LMBR1: variants seen among roughly 807,000 people sequenced by gnomAD.
LMBR1 encodes the protein limb region 1 protein homolog.
In LMBR1, 52 loss-of-function variants were observed where a neutral mutation model predicts 73.9. The ratio of observed to expected loss-of-function variants is 0.70; its 90% CI spans 0.56 to 0.89. The LOEUF is 0.89. Ranked by LOEUF, LMBR1 falls within the 40% of genes least tolerant of loss-of-function variation. The probability of loss-of-function intolerance (pLI) is 0.00; values close to 1 mark genes in which losing one functional copy is unlikely to be tolerated. For missense variants in LMBR1, 539 were observed against 579.8 expected (o/e 0.93, Z 0.72); for synonymous variants, 215 against 209.4 (o/e 1.03, Z -0.23).
intron 6 of LMBR1, among the ~76,000 whole-genome samples, 167 bp downstream of exon 6, chr7:156,763,502 C>T (rs1248325284): frequency 6.6e-6 from 1 of 151,452 alleles, no homozygotes; most frequent in African/African-American, 2.4e-5. Flanking sequence ...ATAAATAAAA[C>T]TTCATTTTTA....
intron 5 of LMBR1, among the ~76,000 whole-genome samples, chr7:156,786,328 C>T (rs1828097674): frequency 6.6e-6 from 1 of 151,824 alleles, no homozygotes. Context: ...GCAGTGATTC[C>T]CAGTGCTACA....
chr7:156,835,694 CAAA>C (rs59956909), intron 2 of LMBR1, among the ~76,000 whole-genome samples: 10 of 100,484 alleles, frequency 1.0e-4, no homozygotes, highest in South Asian at 3.4e-4. Flanking sequence ...GACTCCATCT[CAAA>C]AAAAAAAAAA....
At chr7:156,878,499 C>T (rs1800563481) in intron 1 of LMBR1, among the ~76,000 whole-genome samples, 2 of 152,180 alleles carry the variant, frequency 1.3e-5, no homozygotes, top group South Asian at 4.1e-4. Context: ...TATACCTAAC[C>T]AAGAAGGTAA....
chr7:156,892,850 G>A (rs1803399423), intron 1 of LMBR1, 78 bp downstream of exon 1: 10 of 632,438 alleles, frequency 1.6e-5, no homozygotes, highest in East Asian at 5.0e-5. Context: ...GGGGTCCGGG[G>A]ACCGGGGGCC....
Position 156,842,487 on chromosome 7 carries a change from A to G in LMBR1, c.67-5602T>C, listed in dbSNP as rs574211939. Among the ~76,000 whole-genome samples, 7 of 152,304 alleles carry G rather than the reference A, an allele frequency of 4.6e-5. No individual in the cohort carries two copies. In the East Asian group the frequency reaches 1.2e-3, roughly 25 times the overall value. On this transcript the variant is annotated intron_variant, in intron 1 of 16. Transcript: ENST00000353442. ...ACCTTGCAGCTGCGCAGCTAGAGAA[A>G]CAGTGTCTGTACAATGCCTGGGAAA...
At chr7:156,872,464 G>A (rs185295290) in intron 1 of LMBR1, among the ~76,000 whole-genome samples, 49 of 152,008 alleles carry the variant, frequency 3.2e-4, no homozygotes, top group African/African-American at 1.1e-3. Context: ...CCAGACCAAC[G>A]TGGAGAAACC....
rs2132417787 is a variant in LMBR1 at position 156,727,796 on chromosome 7, A to C, written c.993+134T>G. ...AGTTTATATTTTAAAGGCTCTTTGC[A>C]TAAAGAAATTCATACAACTTGAAGT... On this transcript the variant is annotated intron_variant, in intron 12 of 16. Coordinates refer to ENST00000353442, the MANE Select transcript of LMBR1 (RefSeq NM_022458.4). 6 of 459,996 alleles carry C rather than the reference A, an allele frequency of 1.3e-5. No homozygotes were observed. In the East Asian group the frequency reaches 2.0e-4, roughly 16 times the overall value. 28.5% of individuals were successfully genotyped at this position (459,996 alleles called of 1,614,324 possible).
intron 3 of LMBR1, among the ~76,000 whole-genome samples, chr7:156,827,487 A>G (rs1484387348): frequency 6.6e-6 from 1 of 152,146 alleles, no homozygotes; most frequent in African/African-American, 2.4e-5. Context: ...ACATGTAACA[A>G]TCCCATAGGA....
intron 2 of LMBR1, among the ~76,000 whole-genome samples, chr7:156,836,008 A>AT (rs1478325144): frequency 3.9e-5 from 6 of 152,162 alleles, no homozygotes; most frequent in Non-Finnish European, 8.8e-5. Context: ...TATCTTCAGA[A>AT]TTTTTAGAGG....
chr7:156,749,777 C>G (rs879541794), intron 9 of LMBR1, among the ~76,000 whole-genome samples: 3 of 152,062 alleles, frequency 2.0e-5, no homozygotes, highest in Admixed American at 2.0e-4. Flanking sequence ...GCAACCTCCC[C>G]CTCCCAGGTT....
chr7:156,861,370 A>G (rs1039042571), intron 1 of LMBR1, among the ~76,000 whole-genome samples: 5 of 152,174 alleles, frequency 3.3e-5, no homozygotes, highest in Non-Finnish European at 7.4e-5. Context: ...CCAAGTCCTG[A>G]GGCTGCACAG....
intron 1 of LMBR1, among the ~76,000 whole-genome samples, chr7:156,884,097 C>T (rs1233207768): frequency 6.6e-6 from 1 of 152,216 alleles, no homozygotes; most frequent in Non-Finnish European, 1.5e-5. Context: ...AAAATCACTT[C>T]AACTTATGTT....
At chr7:156,755,492 C>T (rs1821696647) in intron 9 of LMBR1, among the ~76,000 whole-genome samples, 1 of 152,206 alleles carries the variant, frequency 6.6e-6, no homozygotes, top group Non-Finnish European at 1.5e-5. Flanking sequence ...CTGCAGGGAG[C>T]AGCTTGACAC....
At chr7:156,711,807 A>G (rs1201091538) in intron 15 of LMBR1, among the ~76,000 whole-genome samples, 1 of 152,172 alleles carries the variant, frequency 6.6e-6, no homozygotes, top group Non-Finnish European at 1.5e-5. Context: ...TATGCAGATA[A>G]AAGAAACTGG....
chr7:156,675,648 C>G (rs1442426882), downstream of LMBR1: 1 of 1,565,544 alleles, frequency 6.4e-7, no homozygotes, highest in South Asian at 1.1e-5. Flanking sequence ...TCCCTGCAAC[C>G]TCCACCGAGC....
intron 15 of LMBR1, among the ~76,000 whole-genome samples, chr7:156,693,659 CA>C (rs1298739887): frequency 1.3e-5 from 2 of 152,116 alleles, no homozygotes; most frequent in Non-Finnish European, 2.9e-5. Context: ...AACTTTCCAG[CA>C]AAGAAAAGCC....
At chr7:156,774,042 A>C (rs1374140220) in intron 5 of LMBR1, among the ~76,000 whole-genome samples, 1 of 152,200 alleles carries the variant, frequency 6.6e-6, no homozygotes, top group Non-Finnish European at 1.5e-5. Flanking sequence ...CCACACTAAA[A>C]AGTGGGCAAA....
chr7:156,673,538 G>A (rs1803076024), downstream of LMBR1, among the ~76,000 whole-genome samples: 2 of 152,168 alleles, frequency 1.3e-5, no homozygotes, highest in African/African-American at 4.8e-5. Context: ...GAGTGAAAGA[G>A]AATTTGACTC....
At chr7:156,818,416 A>C (rs567944283) in intron 4 of LMBR1, among the ~76,000 whole-genome samples, 1 of 152,342 alleles carries the variant, frequency 6.6e-6, no homozygotes, top group South Asian at 2.1e-4. Flanking sequence ...ATCTCTGGTC[A>C]TAAGTGAGTG....
Sources: allele counts gnomAD v4.1 joint callset (sites outside exome capture counted in the v4.1 genomes callset), GRCh38; gene constraint gnomAD v4.1.1; transcripts MANE v1.5; gene names NCBI Gene and HGNC (gene_info 2026-07-23, HGNC 2026-07-21).